The following ST3GAL3 variants were observed in gnomAD, a reference collection of about 807,000 sequenced individuals.
ST3GAL3 encodes the protein CMP-N-acetylneuraminate-beta-1,4-galactoside alpha-2,3-sialyltransferase.
Under a neutral mutation model 50.1 loss-of-function variants are expected in ST3GAL3, and 21 were observed. The ratio of observed to expected loss-of-function variants is 0.42; its 90% CI spans 0.30 to 0.60. ST3GAL3 has a LOEUF of 0.60. Ranked by LOEUF, ST3GAL3 falls within the 20% of genes least tolerant of loss-of-function variation. The probability of loss-of-function intolerance (pLI) is 0.19; values close to 1 mark genes in which losing one functional copy is unlikely to be tolerated. For missense variants in ST3GAL3, 353 were observed against 489.4 expected, an observed-to-expected ratio of 0.72 and a Z score of 2.63; for synonymous variants, 183 against 190.0, an observed-to-expected ratio of 0.96 and a Z score of 0.30.
intron 9 of ST3GAL3, chr1:43,914,569 C>T (rs767865370): frequency 6.6e-6 from 1 of 152,178 alleles, no homozygotes; most frequent in African/African-American, 2.4e-5. Flanking sequence ...CGTGTCGTAT[C>T]GTTTCACCTT....
intron 3 of ST3GAL3, among the ~76,000 whole-genome samples, chr1:43,811,451 C>A (rs2060550152): frequency 6.6e-6 from 1 of 152,028 alleles, no homozygotes; most frequent in Non-Finnish European, 1.5e-5. Flanking sequence ...CTCTGCGGTT[C>A]CCCCAGTATG....
intron 5 of ST3GAL3, among the ~76,000 whole-genome samples, chr1:43,871,075 A>T (rs997954855): frequency 6.6e-6 from 1 of 152,150 alleles, no homozygotes; most frequent in African/African-American, 2.4e-5. Context: ...GTGAGGAGAA[A>T]GGTGCTGGGG....
At chr1:43,836,774 C>G (rs535018481) in intron 4 of ST3GAL3, among the ~76,000 whole-genome samples, 2 of 152,230 alleles carry the variant, frequency 1.3e-5, no homozygotes, top group Non-Finnish European at 2.9e-5. Context: ...TGACTATATC[C>G]TGTTCTTTGG....
At chr1:43,890,913 C>G (rs1023143931) in intron 5 of ST3GAL3, among the ~76,000 whole-genome samples, 2 of 151,948 alleles carry the variant, frequency 1.3e-5, no homozygotes, top group African/African-American at 4.8e-5. Flanking sequence ...CCGAATGCAA[C>G]TGGGAAAATA....
intron 9 of ST3GAL3, among the ~76,000 whole-genome samples, chr1:43,900,358 T>C (rs2078089289): frequency 1.3e-5 from 2 of 152,236 alleles, no homozygotes; most frequent in South Asian, 4.1e-4. Context: ...CAGGTTCTAC[T>C]GACTGTTCTA....
intron 5 of ST3GAL3, among the ~76,000 whole-genome samples, chr1:43,868,202 A>C (rs1195771619): frequency 1.3e-5 from 2 of 152,248 alleles, no homozygotes; most frequent in African/African-American, 2.4e-5. Flanking sequence ...GACTGTATTT[A>C]CTGGCATGCT....
At chr1:43,805,356 C>G (rs1392729942) in intron 3 of ST3GAL3, among the ~76,000 whole-genome samples, 1 of 152,226 alleles carries the variant, frequency 6.6e-6, no homozygotes, top group African/African-American at 2.4e-5. Flanking sequence ...CATCGACAGT[C>G]TCACCACTTG....
At chr1:43,917,068 T>C (rs935794681) in intron 9 of ST3GAL3, 12 of 152,100 alleles carry the variant, frequency 7.9e-5, no homozygotes, top group South Asian at 2.1e-4. Flanking sequence ...TTTGAGGTCA[T>C]AAGATATAAA....
intron 3 of ST3GAL3, among the ~76,000 whole-genome samples, chr1:43,798,098 A>G (rs2058891067): frequency 6.6e-6 from 1 of 152,120 alleles, no homozygotes; most frequent in African/African-American, 2.4e-5. Context: ...TACCCAACTG[A>G]AAGTTCAGGC....
chr1:43,796,252 A>G (rs1281391594), intron 3 of ST3GAL3, among the ~76,000 whole-genome samples: 1 of 152,220 alleles, frequency 6.6e-6, no homozygotes, highest in Non-Finnish European at 1.5e-5. Flanking sequence ...TGCAGTTCAG[A>G]AAATTCATGG....
chr1:43,716,789 A>G (rs1377895459), intron 1 of ST3GAL3, among the ~76,000 whole-genome samples: 1 of 152,122 alleles, frequency 6.6e-6, no homozygotes, highest in Non-Finnish European at 1.5e-5. Flanking sequence ...AGAGGTTTAT[A>G]AATAGGAGGT....
chr1:43,797,652 C>T (rs2058832900), intron 3 of ST3GAL3, among the ~76,000 whole-genome samples: 2 of 152,176 alleles, frequency 1.3e-5, no homozygotes, highest in Middle Eastern at 3.2e-3. Flanking sequence ...CTGACATCGG[C>T]CATCTACAAA....
chr1:43,869,966 T>G lies in ST3GAL3; in HGVS notation c.303-24417T>G, dbSNP rs540199764. Among the ~76,000 whole-genome samples the G allele has an allele frequency of 1.1e-4, 17 of 152,310 alleles. No homozygotes were observed. In the South Asian group the frequency reaches 2.5e-3, roughly 22 times the overall value. On this transcript the variant is annotated intron_variant, in intron 5 of 11. Transcript: ENST00000347631. The stretch of plus-strand genomic sequence containing the variant: ...AGCCAAATCCACCTGGAAGGGCAGT[T>G]GCCTTATGCTTCCCTAGAACTTGTT...
chr1:43,835,613 TC>T (rs1010354974), intron 4 of ST3GAL3, among the ~76,000 whole-genome samples: 1 of 152,126 alleles, frequency 6.6e-6, no homozygotes, highest in African/African-American at 2.4e-5. Flanking sequence ...CCCTGGACTG[TC>T]CCACAGCCCT....
intron 3 of ST3GAL3, among the ~76,000 whole-genome samples, chr1:43,810,019 A>T (rs571919592): frequency 6.7e-6 from 1 of 149,326 alleles, no homozygotes; most frequent in South Asian, 2.1e-4. Context: ...AGAAAGAAAG[A>T]AAAAAGAAAA....
At chr1:43,907,535 A>ATT (rs1285832141) in intron 9 of ST3GAL3, among the ~76,000 whole-genome samples, 2 of 152,176 alleles carry the variant, frequency 1.3e-5, no homozygotes, top group East Asian at 3.9e-4. Context: ...TTCCAAAGAA[A>ATT]TTGCATGTCC....
At chr1:43,717,510 T>G (rs1667969143) in intron 1 of ST3GAL3, among the ~76,000 whole-genome samples, 1 of 151,844 alleles carries the variant, frequency 6.6e-6, no homozygotes, top group Middle Eastern at 3.4e-3. Context: ...ATTTTTTTTT[T>G]TTTTTTGAGG....
chr1:43,732,626 A>G (rs76546746), intron 1 of ST3GAL3, among the ~76,000 whole-genome samples: 14,023 of 152,192 alleles, frequency 0.092, 798 homozygotes, highest in African/African-American at 0.16. Context: ...TGCATATGCC[A>G]TCTCTTTCCT....
intron 2 of ST3GAL3, among the ~76,000 whole-genome samples, chr1:43,787,660 G>C (rs536239387): frequency 1.1e-4 from 17 of 152,298 alleles, no homozygotes; most frequent in Admixed American, 1.0e-3. Context: ...CAAAGACTTT[G>C]ACTCTTTCCA....
Sources: gnomAD v4.1 joint callset for allele counts (sites outside exome capture counted in the v4.1 genomes callset) on GRCh38, gnomAD v4.1.1 for gene constraint, MANE v1.5 for transcripts, NCBI Gene and HGNC (gene_info 2026-07-23, HGNC 2026-07-21) for gene names.